SIL1: variants seen among roughly 807,000 people sequenced by gnomAD.
SIL1 encodes the protein nucleotide exchange factor SIL1.
Under a neutral mutation model 49.1 loss-of-function variants are expected in SIL1, and 40 were observed. That is an observed-to-expected ratio of 0.81 (90% CI 0.63 to 1.06). The LOEUF (loss-of-function observed/expected upper bound fraction) is 1.06, where lower values mean the gene tolerates loss of function less well. Ranked by LOEUF, SIL1 falls within the 50% of genes least tolerant of loss-of-function variation. SIL1 has a pLI of 0.00. For missense variants in SIL1, 500 were observed against 572.6 expected, an observed-to-expected ratio of 0.87 and a Z score of 1.29; for synonymous variants, 253 against 250.8, an observed-to-expected ratio of 1.01 and a Z score of -0.08.
chr5:139,038,609 T>C (rs1290418219), intron 5 of SIL1, among the ~76,000 whole-genome samples: 1 of 152,198 alleles, frequency 6.6e-6, no homozygotes, highest in Non-Finnish European at 1.5e-5. Context: ...TCTCTAGCTC[T>C]CCTCTCTCCC....
chr5:139,087,152 C>T (rs761789544), intron 3 of SIL1, among the ~76,000 whole-genome samples: 4 of 151,932 alleles, frequency 2.6e-5, no homozygotes, highest in Non-Finnish European at 4.4e-5. Context: ...CTTTCTTCAT[C>T]CCCAACTCAT....
intron 3 of SIL1, among the ~76,000 whole-genome samples, chr5:139,051,701 C>T (rs1442451913): frequency 1.3e-5 from 2 of 152,194 alleles, no homozygotes; most frequent in African/African-American, 4.8e-5. Context: ...CAGAGCAAGC[C>T]AAGGAGGCAG....
At chr5:139,164,496 C>T (rs1392886035) in intron 1 of SIL1, among the ~76,000 whole-genome samples, 1 of 152,126 alleles carries the variant, frequency 6.6e-6, no homozygotes, top group Non-Finnish European at 1.5e-5. Context: ...GTCCCCATGT[C>T]GTTAGTCAGC....
At position 138,947,155 on chromosome 5, in the gene SIL1, G is replaced by A. The variant is rs1375825013; in HGVS notation, c.1348C>T (p.Leu450=). 7.4e-6 allele frequency: 12 copies of A among 1,613,522 alleles called. No homozygotes were observed. The highest frequency in any genetic ancestry group is 1.3e-5 in the African/African-American group (1 of 74,922). The change falls in exon 10 of 10, where the codon CTG becomes TTG. Residue 450 remains leucine, a synonymous_variant. Transcript: ENST00000394817. The surrounding 1 kb of genome is among the most constrained non-coding windows in gnomAD (Gnocchi z 4.1). ...TTCAGCAAGCTGTTGACAGAGCCCA[G>A]CAGCTCCTGGAAGTAGCCCTCGTCC... is the stretch of plus-strand genomic sequence containing the variant. The part of the protein sequence containing the change: ...GEDEGYFQEL[L]GSVNSLLKEL...
chr5:139,172,427 T>C (rs959989045), intron 1 of SIL1, among the ~76,000 whole-genome samples: 6 of 150,788 alleles, frequency 4.0e-5, no homozygotes, highest in Non-Finnish European at 8.9e-5. Context: ...AGGTCAGGAG[T>C]TCGAGACCAG....
chr5:139,004,300 C>T (rs577200880), intron 7 of SIL1, among the ~76,000 whole-genome samples: 1 of 152,258 alleles, frequency 6.6e-6, no homozygotes, highest in South Asian at 2.1e-4. Context: ...TGTACCTGGC[C>T]TCTGTTTTTA....
chr5:139,039,156 A>G (rs1203078733), intron 5 of SIL1, among the ~76,000 whole-genome samples: 1 of 152,174 alleles, frequency 6.6e-6, no homozygotes, highest in African/African-American at 2.4e-5. Context: ...CACTGACACC[A>G]TCTTGGTGGA....
intron 3 of SIL1, among the ~76,000 whole-genome samples, chr5:139,059,980 A>G (rs1769548542): frequency 6.6e-6 from 1 of 152,256 alleles, no homozygotes; most frequent in Non-Finnish European, 1.5e-5. Flanking sequence ...AAACTAGATT[A>G]CAGCATGTAT....
chr5:139,053,105 G>T (rs1769329680), intron 3 of SIL1, among the ~76,000 whole-genome samples: 2 of 152,180 alleles, frequency 1.3e-5, no homozygotes, highest in Non-Finnish European at 2.9e-5. Flanking sequence ...CTCTGAATGT[G>T]TGAAGGGGAG....
chr5:139,055,529 T>A (rs1443448455), intron 3 of SIL1, among the ~76,000 whole-genome samples: 1 of 151,958 alleles, frequency 6.6e-6, no homozygotes, highest in African/African-American at 2.4e-5. Flanking sequence ...AAACAGATGT[T>A]TGAAATGTGC....
At chr5:139,140,643 TTTCACAA>T (rs1468224608) in intron 1 of SIL1, among the ~76,000 whole-genome samples, 2 of 152,148 alleles carry the variant, frequency 1.3e-5, no homozygotes, top group Admixed American at 6.5e-5. Flanking sequence ...AACTCACGGC[TTTCACAA>T]TCCCACCGAA....
chr5:139,137,526 T>G, intron 1 of SIL1: 1 of 523,536 alleles, frequency 1.9e-6, no homozygotes, highest in South Asian at 2.9e-5. Flanking sequence ...AGAAATTTTT[T>G]TTTTAATTTT....
intron 1 of SIL1, among the ~76,000 whole-genome samples, chr5:139,133,693 C>T (rs1750914954): frequency 6.6e-6 from 1 of 152,178 alleles, no homozygotes; most frequent in African/African-American, 2.4e-5. Flanking sequence ...ACAAGCAAAG[C>T]CAACTCAGTA....
At chr5:139,006,819 ATC>A (rs879389677) in intron 7 of SIL1, among the ~76,000 whole-genome samples, 1,824 of 147,788 alleles carry the variant, frequency 0.012, 11 homozygotes, top group Middle Eastern at 0.021. Context: ...ATTGATCTAT[ATC>A]TCTGTTTTGG....
intron 3 of SIL1, among the ~76,000 whole-genome samples, chr5:139,056,898 T>C (rs1290830775): frequency 2.6e-5 from 4 of 151,800 alleles, no homozygotes; most frequent in Admixed American, 1.3e-4. Flanking sequence ...GGGGAAAAGA[T>C]TGAGAAATCG....
chr5:139,095,469 C>T (rs1259092366), intron 3 of SIL1, among the ~76,000 whole-genome samples: 1 of 152,094 alleles, frequency 6.6e-6, no homozygotes, highest in East Asian at 1.9e-4. Context: ...ACCATGTTGG[C>T]CACGCTGGTC....
At chr5:139,115,974 G>T (rs1770978924) in intron 3 of SIL1, among the ~76,000 whole-genome samples, 1 of 152,168 alleles carries the variant, frequency 6.6e-6, no homozygotes, top group African/African-American at 2.4e-5. Flanking sequence ...TGGCAGATTT[G>T]AATTGAATTG....
chr5:139,035,629 C>T, intron 5 of SIL1: 2 of 279,742 alleles, frequency 7.1e-6, no homozygotes, highest in South Asian at 3.7e-5. Context: ...CTCCGTGCAT[C>T]TCAGGTATAC....
chr5:139,189,812 C>T (rs905085929), intron 1 of SIL1, among the ~76,000 whole-genome samples: 4 of 152,130 alleles, frequency 2.6e-5, no homozygotes, highest in Admixed American at 6.5e-5. Flanking sequence ...TGGAGTGAGA[C>T]TCTGTCTCAA....
Sources: allele counts gnomAD v4.1 joint callset (sites outside exome capture counted in the v4.1 genomes callset), GRCh38; gene constraint gnomAD v4.1.1; non-coding constraint Gnocchi (gnomAD v3.1); transcripts MANE v1.5; gene names NCBI Gene and HGNC (gene_info 2026-07-23, HGNC 2026-07-21).